STEAP1B: variants seen among roughly 807,000 people sequenced by gnomAD.
STEAP1B encodes the protein STEAP family member 1B, also known as STEAP family protein MGC87042.
Under a neutral mutation model 27.9 loss-of-function variants are expected in STEAP1B, and 13 were observed. The ratio of observed to expected loss-of-function variants is 0.47; its 90% CI spans 0.30 to 0.74. The LOEUF (loss-of-function observed/expected upper bound fraction) is 0.74, where lower values mean the gene tolerates loss of function less well. STEAP1B is among the 30% of genes least tolerant of loss of function. The pLI, the probability that STEAP1B is intolerant of heterozygous loss-of-function variation, is 0.06. For synonymous variants in STEAP1B, 86 were observed against 107.1 expected (o/e 0.80, Z 1.22); for missense variants, 250 against 298.7 (o/e 0.84, Z 1.20).
chr7:22,453,096 C>A (rs768802150), intron 4 of STEAP1B, among the ~76,000 whole-genome samples: 3 of 152,194 alleles, frequency 2.0e-5, no homozygotes, highest in Non-Finnish European at 4.4e-5. Flanking sequence ...TCACTGCAGT[C>A]AGGAAGACAT....
chr7:22,454,865 A>ATAT (rs1311730510), intron 4 of STEAP1B, among the ~76,000 whole-genome samples: 75 of 126,146 alleles, frequency 5.9e-4, no homozygotes, highest in Middle Eastern at 3.8e-3. Context: ...ATATATATAT[A>ATAT]TTTTTTTTTT....
At chr7:22,438,789 CTGTGT>C in intron 4 of STEAP1B, 2 of 1,531,574 alleles carry the variant, frequency 1.3e-6, no homozygotes, top group East Asian at 4.9e-5. Flanking sequence ...CATTTGGTGC[CTGTGT>C]AAAGTATGTG....
At chr7:22,452,459 C>G (rs544211254) in intron 4 of STEAP1B, among the ~76,000 whole-genome samples, 2 of 152,186 alleles carry the variant, frequency 1.3e-5, no homozygotes, top group Admixed American at 6.5e-5. Flanking sequence ...CCAAACCCGC[C>G]GGTCAAAGAA....
At chr7:22,456,146 CA>C (rs149210913) in intron 4 of STEAP1B, among the ~76,000 whole-genome samples, 243 of 137,556 alleles carry the variant, frequency 1.8e-3, no homozygotes, top group Non-Finnish European at 1.6e-3. Context: ...GACTCCATCT[CA>C]AAAAAAAAAA....
intron 4 of STEAP1B, among the ~76,000 whole-genome samples, chr7:22,464,084 T>C (rs939897313): frequency 1.3e-5 from 2 of 152,244 alleles, no homozygotes; most frequent in Non-Finnish European, 2.9e-5. Flanking sequence ...ATCCAGAATC[T>C]ACAATGATTG....
rs1786355139 is a variant in STEAP1B at position 22,492,848 on chromosome 7, A to C, written c.598-119T>G. The C allele has an allele frequency of 2.1e-6, 3 of 1,410,576 alleles. No individual in the cohort carries two copies. In the African/African-American group the frequency reaches 4.4e-5, roughly 21 times the overall value. 87.4% of individuals were successfully genotyped at this position (1,410,576 alleles called of 1,614,324 possible). ...AAGCCCTGATAACAGGTCTCCACAA[A>C]TTTATGACTTTTTCTTTTTTTTTTG... On this transcript the variant is annotated intron_variant, in intron 3 of 4. Coordinates refer to ENST00000678116, the MANE Select transcript of STEAP1B (RefSeq NM_001382447.1).
In STEAP1B at chr7:22,419,579, G is replaced by A. The variant is rs1442505706; in HGVS notation, c.*225C>T. On this transcript the variant is annotated 3_prime_UTR_variant, in exon 5 of 5. Coordinates refer to ENST00000678116, the MANE Select transcript of STEAP1B (RefSeq NM_001382447.1). ...CGTAACAACCAACACAATCTCAGTG[G>A]ATTAGCACAACACATATGGACTTTT... 1.0e-5 allele frequency: 4 copies of A among 389,580 alleles called. No individual in the cohort carries two copies. The East Asian group carries it at 1.6e-4, about 15-fold the overall frequency. 24.1% of individuals were successfully genotyped at this position (389,580 alleles called of 1,614,324 possible).
intron 4 of STEAP1B, among the ~76,000 whole-genome samples, chr7:22,448,123 C>A (rs1212430209): frequency 6.6e-6 from 1 of 152,224 alleles, no homozygotes; most frequent in African/African-American, 2.4e-5. Flanking sequence ...ACTCTCATAT[C>A]TCCTAAAACA....
intron 4 of STEAP1B, among the ~76,000 whole-genome samples, chr7:22,457,916 GATCCTTTGT>G (rs1785614405): frequency 6.6e-6 from 1 of 152,264 alleles, no homozygotes; most frequent in South Asian, 2.1e-4. Context: ...CTGCACTGGG[GATCCTTTGT>G]CCCCAAAAAA....
chr7:22,434,808 A>G (rs972741720), intron 4 of STEAP1B, among the ~76,000 whole-genome samples: 9 of 152,242 alleles, frequency 5.9e-5, no homozygotes, highest in Admixed American at 2.0e-4. Flanking sequence ...TGCTAATATT[A>G]CAAGGAATAA....
chr7:22,481,089 G>A (rs1007648867), intron 4 of STEAP1B, among the ~76,000 whole-genome samples: 2 of 152,206 alleles, frequency 1.3e-5, no homozygotes, highest in African/African-American at 2.4e-5. Context: ...GGATGTCCTC[G>A]TTTCACAGTA....
chr7:22,421,677 G>C (rs1785044661), intron 4 of STEAP1B, among the ~76,000 whole-genome samples: 3 of 152,202 alleles, frequency 2.0e-5, no homozygotes, highest in Admixed American at 2.0e-4. Flanking sequence ...GATATAATGA[G>C]GGGAAGCCCA....
At chr7:22,467,725 A>AG (rs994551394) in intron 4 of STEAP1B, among the ~76,000 whole-genome samples, 32 of 152,140 alleles carry the variant, frequency 2.1e-4, no homozygotes, top group African/African-American at 7.5e-4. Context: ...CATGATTGTG[A>AG]GGCCTCCCCA....
intron 2 of STEAP1B, 80 bp from the exon 3 acceptor site, chr7:22,493,916 T>A (rs1786392294): frequency 6.9e-7 from 1 of 1,451,466 alleles, no homozygotes; most frequent in Non-Finnish European, 9.2e-7. Flanking sequence ...TATTGCTCAA[T>A]CATTGTGCTT....
At chr7:22,455,725 A>G (rs1785567350) in intron 4 of STEAP1B, among the ~76,000 whole-genome samples, 1 of 152,208 alleles carries the variant, frequency 6.6e-6, no homozygotes. Flanking sequence ...GTGTCTTCCA[A>G]TGTGCTATTT....
intron 4 of STEAP1B, among the ~76,000 whole-genome samples, chr7:22,447,122 G>A (rs981667904): frequency 1.3e-5 from 2 of 152,174 alleles, no homozygotes; most frequent in Non-Finnish European, 2.9e-5. Flanking sequence ...TATAGAAGCA[G>A]CTCTAATTTA....
At chr7:22,426,241 C>A (rs1218652883) in intron 4 of STEAP1B, among the ~76,000 whole-genome samples, 2 of 152,004 alleles carry the variant, frequency 1.3e-5, no homozygotes, top group Non-Finnish European at 2.9e-5. Flanking sequence ...TTTGGCAAAC[C>A]AGATCATCTG....
intron 4 of STEAP1B, among the ~76,000 whole-genome samples, chr7:22,425,793 T>C (rs368038546): frequency 2.6e-5 from 4 of 152,114 alleles, no homozygotes; most frequent in South Asian, 2.1e-4. Context: ...CTTAAGAAAA[T>C]AGGCCTTTCA....
chr7:22,456,254 T>A (rs1267362962), intron 4 of STEAP1B, among the ~76,000 whole-genome samples: 1 of 152,246 alleles, frequency 6.6e-6, no homozygotes, highest in African/African-American at 2.4e-5. Flanking sequence ...ATCCATGGTT[T>A]GGATTGATTA....
Sources: allele counts gnomAD v4.1 joint callset (sites outside exome capture counted in the v4.1 genomes callset), GRCh38; gene constraint gnomAD v4.1.1; transcripts MANE v1.5; gene names NCBI Gene and HGNC (gene_info 2026-07-23, HGNC 2026-07-21).